The following BOD1L1 variants were observed in gnomAD, a reference collection of about 807,000 sequenced individuals.
BOD1L1 encodes the protein biorientation of chromosomes in cell division 1 like 1, also known as biorientation of chromosomes in cell division protein 1-like 1.
In BOD1L1, 86 loss-of-function variants were observed where a neutral mutation model predicts 240.7. The ratio of observed to expected loss-of-function variants is 0.36; its 90% confidence interval spans 0.30 to 0.43. The LOEUF is 0.43. Ranked by LOEUF, BOD1L1 falls within the 20% of genes least tolerant of loss-of-function variation. The probability of loss-of-function intolerance (pLI) is 1.00; values close to 1 mark genes in which losing one functional copy is unlikely to be tolerated. For missense variants in BOD1L1, 3,554 were observed against 3,643.5 expected (o/e 0.98, Z 0.63); for synonymous variants, 1,268 against 1,272.3 (o/e 1.00, Z 0.07).
chr4:13,589,688 C>G (rs1454977908), intron 14 of BOD1L1, among the ~76,000 whole-genome samples: 3 of 152,084 alleles, frequency 2.0e-5, no homozygotes, highest in Admixed American at 6.6e-5. Context: ...GGGGATTCCA[C>G]CATAACTGTT....
intron 2 of BOD1L1, among the ~76,000 whole-genome samples, chr4:13,617,886 T>C (rs1016703145): frequency 2.0e-5 from 3 of 152,204 alleles, no homozygotes; most frequent in Non-Finnish European, 4.4e-5. Context: ...CATAACTAAA[T>C]AATCTCTTTA....
Position 13,614,367 on chromosome 4 carries a change from T to G in BOD1L1, c.1003A>C (p.Lys335Gln). 1.9e-6 allele frequency: 3 copies of G among 1,553,524 alleles called. No homozygotes were observed. The highest frequency in any genetic ancestry group is 2.6e-6 in the Non-Finnish European group (3 of 1,147,872). The change falls in exon 4 of 26, where the codon AAG becomes CAG. Residue 335 changes from lysine (K) to glutamine (Q), a missense_variant. Around this residue, in one of 2 missense-constraint regions of BOD1L1, gnomAD observed 3,393 missense variants for 3,427.1 expected, o/e 0.99. Transcript: ENST00000040738. The stretch of plus-strand genomic sequence containing the variant: ...TCAGTCTTTTCCTTCTTTTCTTTCT[T>G]TCTTTCTCCTTTCTCATTGCTGTCT... ...KPDSNEKGER[K>Q]KEKKEKTEKK...
At position 13,568,766 on chromosome 4, in the gene BOD1L1, T is replaced by A. The variant is rs1322531544; in HGVS notation, c.*1245A>T. 2.6e-5 allele frequency: 4 copies of A among 151,970 alleles called. No individual in the cohort carries two copies. The highest frequency in any genetic ancestry group is 9.7e-5 in the African/African-American group (4 of 41,222). The allele number at this position is 151,970 out of a possible 1,614,324, so 9.4% of individuals were successfully genotyped here. On this transcript the variant is annotated 3_prime_UTR_variant, in exon 26 of 26. Transcript: ENST00000040738. ...TGGTAAACATTTTATAATTTATATA[T>A]AAAATCTCAGTAAGAAACCATGTAA...
Position 13,583,783 on chromosome 4 carries a change from C to T in BOD1L1, c.8434-1047G>A, listed in dbSNP as rs182503202. On this transcript the variant is annotated intron_variant, in intron 17 of 25. Coordinates refer to ENST00000040738, the MANE Select transcript of BOD1L1 (RefSeq NM_148894.3). ...GGTTTTTTGTTGTGGTTATTTTTGCCGAAACCTCAAACCAGTGTCGGTATT... is the reference window on the plus strand; with the variant it reads ...GGTTTTTTGTTGTGGTTATTTTTGCTGAAACCTCAAACCAGTGTCGGTATT... Among the ~76,000 whole-genome samples, 20 of 152,124 alleles carry T rather than the reference C, an allele frequency of 1.3e-4. No homozygotes were observed. In the East Asian group the frequency reaches 1.9e-3, roughly 15 times the overall value.
chr4:13,589,500 G>A (rs553348646), intron 14 of BOD1L1, among the ~76,000 whole-genome samples: 42 of 152,298 alleles, frequency 2.8e-4, no homozygotes, highest in African/African-American at 9.6e-4. Flanking sequence ...ATCTTAGAAC[G>A]CTGCTGAATG....
rs1001585286 is a variant in BOD1L1, at chr4:13,627,455, C to T, written c.133G>A (p.Gly45Ser). The change falls in exon 1 of 26, where the codon GGT becomes AGT. Residue 45 changes from glycine to serine, a missense_variant. By Grantham distance (56) the Gly-to-Ser change is moderately conservative. Transcript: ENST00000040738. Reference sequence around the variant, plus strand: ...AGCTGCGGGTCCCCGGCGCCCGCACCCGCGCCGCCCGCCCCGCCCGCGCCG... The same window carrying T: ...AGCTGCGGGTCCCCGGCGCCCGCACTCGCGCCGCCCGCCCCGCCCGCGCCG... ...GPGAGGAGGA[G>S]AGAGDPQLVA... is the part of the protein sequence containing the mutation. 3.4e-6 allele frequency: 4 copies of T among 1,164,470 alleles called. No homozygotes were observed. In the African/African-American group the frequency reaches 6.6e-5, roughly 19 times the overall value. The allele number at this position is 1,164,470 out of a possible 1,614,324, so 72.1% of individuals were successfully genotyped here. A position where few individuals can be genotyped will look rare whatever the true frequency, so the allele number is the denominator to read the frequency against.
In BOD1L1 at chr4:13,620,003, G is replaced by T; in HGVS notation, c.308C>A (p.Thr103Lys). Residue 103 changes from threonine (T) to lysine (K), a missense_variant, in exon 2 of 26, where the codon ACA becomes AAA. Transcript: ENST00000040738. ...GTTCTTATTGAGATGCGGACTCCATGTGTGAGTTGCCAAGTGATTTGCAAC... is the reference window on the plus strand; with the variant it reads ...GTTCTTATTGAGATGCGGACTCCATTTGTGAGTTGCCAAGTGATTTGCAAC... ...NFVANHLATH[T>K]WSPHLNKNQL... 1 of 1,612,060 alleles carries T rather than the reference G, an allele frequency of 6.2e-7. No homozygotes were observed.
At chr4:13,617,457 T>G (rs867208274) in intron 2 of BOD1L1, among the ~76,000 whole-genome samples, 1 of 152,186 alleles carries the variant, frequency 6.6e-6, no homozygotes, top group Non-Finnish European at 1.5e-5. Context: ...ATGATCATAC[T>G]GCACTTAGCG....
rs540086149 is a variant in BOD1L1 at position 13,580,169 on chromosome 4, A to C, written c.8704-196T>G. 5.5e-6 allele frequency: 3 copies of C among 545,728 alleles called. No homozygotes were observed. The East Asian group carries it at 9.4e-5, about 17-fold the overall frequency. The allele number at this position is 545,728 out of a possible 1,614,324, so 33.8% of individuals were successfully genotyped here. ...GCTTCTAAATACAGACTTTCCAATA[A>C]GTAACTTCCCTTTTGTGATGCTACA... On this transcript the variant is annotated intron_variant, in intron 21 of 25. Coordinates refer to ENST00000040738, the MANE Select transcript of BOD1L1 (RefSeq NM_148894.3).
rs527634076 is a variant in BOD1L1 at position 13,601,370 on chromosome 4, C to T, written c.5530G>A (p.Val1844Ile). The change falls in exon 10 of 26, where the codon GTT becomes ATT. Residue 1844 changes from valine (V) to isoleucine (I), a missense_variant. Physicochemically the swap from Val to Ile is conservative, Grantham distance 29. This residue lies in a region of BOD1L1 where 3,393 missense variants were observed against 3,427.1 expected (regional missense o/e 0.99). Coordinates refer to ENST00000040738, the MANE Select transcript of BOD1L1 (RefSeq NM_148894.3). Reference sequence around the variant, plus strand: ...TCATCATCACAAGGACCAGCAGCAACTAATGGTACATTAGTGCCTTCTTTG... The same window carrying T: ...TCATCATCACAAGGACCAGCAGCAATTAATGGTACATTAGTGCCTTCTTTG... Reference protein sequence around the residue: ...VAKEGTNVPLVAAGPCDDEGI... With the variant: ...VAKEGTNVPLIAAGPCDDEGI... 1 of 1,614,088 alleles carries T rather than the reference C, an allele frequency of 6.2e-7. No individual in the cohort carries two copies. Among genetic ancestry groups the T allele is most frequent in the South Asian group, 1.1e-5 (1 of 91,088 alleles).
Position 13,587,755 on chromosome 4 carries a change from C to T in BOD1L1, c.8297G>A (p.Arg2766Lys). Residue 2766 changes from arginine to lysine, a missense_variant, in exon 16 of 26, where the codon AGG becomes AAG. Transcript: ENST00000040738. Reference protein sequence around the residue: ...ADPKEVEEEERHMPKRKRKQH... With the variant: ...ADPKEVEEEEKHMPKRKRKQH... ...CTTTCTTTTTCTTTTAGGCATATGC[C>T]TTTCTTCCTCTTCAACCTGGAATTA... 2 of 1,555,686 alleles carry T rather than the reference C, an allele frequency of 1.3e-6. No homozygotes were observed. Among genetic ancestry groups the T allele is most frequent in the Non-Finnish European group, 1.7e-6 (2 of 1,147,076 alleles).
At position 13,613,638 on chromosome 4, in the gene BOD1L1, C is replaced by A; in HGVS notation, c.1198G>T (p.Val400Leu). The change falls in exon 5 of 26, where the codon GTG becomes TTG. Residue 400 changes from valine to leucine, a missense_variant. By Grantham distance (32) the Val-to-Leu change is conservative. This residue lies in a region of BOD1L1 where 3,393 missense variants were observed against 3,427.1 expected (regional missense o/e 0.99). Transcript: ENST00000040738. The surrounding 1 kb of genome is among the most constrained non-coding windows in gnomAD (Gnocchi z 4.0). ...KEDFSLIDSD[V>L]DGLTDITVSS... ...ACTGTGATGTCTGTAAGTCCATCCA[C>A]ATCAGAATCTATCAAAGAGAAATCT... The A allele has an allele frequency of 1.3e-6, 2 of 1,560,984 alleles. No individual in the cohort carries two copies. The highest frequency in any genetic ancestry group is 1.2e-5 in the South Asian group (1 of 82,302).
At chr4:13,607,418 C>T (rs533898716) in intron 8 of BOD1L1, among the ~76,000 whole-genome samples, 1 of 152,332 alleles carries the variant, frequency 6.6e-6, no homozygotes, top group African/African-American at 2.4e-5. Context: ...CCTGCCTCAG[C>T]CTCCCAAGTA....
chr4:13,580,096 C>A (rs1713105426), intron 21 of BOD1L1, 123 bp from the exon 22 acceptor site: 2 of 663,346 alleles, frequency 3.0e-6, no homozygotes, highest in Non-Finnish European at 5.0e-6. Context: ...TATTTGAGAC[C>A]TATTTTCTGT....
chr4:13,587,471 G>A (rs1233274197), intron 16 of BOD1L1, among the ~76,000 whole-genome samples: 2 of 152,154 alleles, frequency 1.3e-5, no homozygotes, highest in African/African-American at 4.8e-5. Flanking sequence ...GCCTGTCTTT[G>A]TCTGAGATCC....
In BOD1L1 at chr4:13,581,124, G is replaced by A; in HGVS notation, c.8668+8C>T. On this transcript the variant is annotated splice_region_variant and intron_variant, in intron 20 of 25. Transcript: ENST00000040738. Reference sequence around the variant, plus strand: ...TGTGTGTGAACTGAAAACACACCAAGTACCTACTCATTTTTAACGTTGTTT... The same window carrying A: ...TGTGTGTGAACTGAAAACACACCAAATACCTACTCATTTTTAACGTTGTTT... 6.4e-7 allele frequency: 1 copy of A among 1,572,778 alleles called. No individual in the cohort carries two copies.
intron 1 of BOD1L1, chr4:13,624,892 T>C (rs1717278083): frequency 1.3e-5 from 2 of 152,346 alleles, no homozygotes; most frequent in South Asian, 4.1e-4. Flanking sequence ...AGGTCAGTCT[T>C]TGAGGTTCAA....
chr4:13,618,795 G>A (rs1318342434), intron 2 of BOD1L1, among the ~76,000 whole-genome samples: 2 of 151,908 alleles, frequency 1.3e-5, no homozygotes, highest in Admixed American at 6.6e-5. Context: ...GACTAGATAG[G>A]CTTTCGAGAG....
chr4:13,596,016 A>G, intron 11 of BOD1L1, 72 bp from the exon 12 acceptor site: 2 of 1,226,900 alleles, frequency 1.6e-6, no homozygotes, highest in Non-Finnish European at 2.3e-6. Flanking sequence ...CAAGTGAATT[A>G]AACAAAAAAA....
Sources: gnomAD v4.1 joint callset for allele counts (sites outside exome capture counted in the v4.1 genomes callset) on GRCh38, gnomAD v4.1.1 for gene constraint, gnomAD v4.1.1 regional missense constraint, Gnocchi (gnomAD v3.1) non-coding constraint, MANE v1.5 for transcripts, NCBI Gene and HGNC (gene_info 2026-07-23, HGNC 2026-07-21) for gene names.